Variants in PDE4D observed in about 807,000 individuals in gnomAD.
PDE4D encodes phosphodiesterase 4D.
In PDE4D, 24 loss-of-function variants were observed where a neutral mutation model predicts 87.4. The observed-to-expected ratio is 0.27, with a 90% CI of 0.20 to 0.39. PDE4D has a LOEUF of 0.39. Among genes scored for constraint, PDE4D ranks in the 10% least tolerant of loss-of-function variants. PDE4D has a pLI of 1.00. For synonymous variants in PDE4D, 384 were observed against 383.2 expected (o/e 1.00, Z -0.02); for missense variants, 714 against 1,041.0 (o/e 0.69, Z 4.32).
chr5:60,023,765 T>C (rs571815878), intron 2 of PDE4D, among the ~76,000 whole-genome samples: 6 of 152,276 alleles, frequency 3.9e-5, no homozygotes, highest in African/African-American at 1.2e-4. Flanking sequence ...ATGTTTTAAG[T>C]CCTGTAAGTA....
chr5:59,494,772 C>CGA (rs1237550504), intron 1 of PDE4D, among the ~76,000 whole-genome samples: 3 of 152,194 alleles, frequency 2.0e-5, no homozygotes, highest in Non-Finnish European at 2.9e-5. Context: ...GAAACAATCC[C>CGA]ACCAGCAACG....
At chr5:59,061,493 C>T (rs1479062254) in intron 5 of PDE4D, among the ~76,000 whole-genome samples, 1 of 152,074 alleles carries the variant, frequency 6.6e-6, no homozygotes, top group Non-Finnish European at 1.5e-5. Flanking sequence ...TGCACACACT[C>T]GAGGCCCACC....
chr5:60,280,751 C>A (rs535698588), intron 1 of PDE4D, among the ~76,000 whole-genome samples: 12 of 152,096 alleles, frequency 7.9e-5, no homozygotes, highest in Non-Finnish European at 1.3e-4. Flanking sequence ...ATTGTGAGAG[C>A]TAAGCAAGTT....
At chr5:59,401,782 G>T (rs1000731043) in intron 1 of PDE4D, among the ~76,000 whole-genome samples, 1 of 152,176 alleles carries the variant, frequency 6.6e-6, no homozygotes, top group Non-Finnish European at 1.5e-5. Context: ...CTCAGCAAGG[G>T]AACTGTGCTG....
At chr5:59,350,654 A>G (rs1780381767) in intron 1 of PDE4D, among the ~76,000 whole-genome samples, 1 of 152,212 alleles carries the variant, frequency 6.6e-6, no homozygotes, top group Non-Finnish European at 1.5e-5. Context: ...GGAAAAAAGG[A>G]CAAAAATTGC....
intron 1 of PDE4D, among the ~76,000 whole-genome samples, chr5:59,528,041 C>T (rs1813478199): frequency 6.6e-6 from 1 of 152,190 alleles, no homozygotes; most frequent in African/African-American, 2.4e-5. Context: ...ATGTGAACTG[C>T]ACGCTTAAAG....
intron 1 of PDE4D, among the ~76,000 whole-genome samples, chr5:60,463,331 G>A (rs1747105806): frequency 6.6e-6 from 1 of 151,964 alleles, no homozygotes; most frequent in Admixed American, 6.6e-5. Context: ...CCAGTAGCCT[G>A]ATCTTATCTC....
In PDE4D at chr5:60,145,274, C is replaced by A. The variant is rs553758296; in HGVS notation, c.42+40283G>T. Among the ~76,000 whole-genome samples the A allele has an allele frequency of 3.9e-5, 6 of 152,306 alleles. No individual in the cohort carries two copies. The South Asian group carries it at 8.3e-4, about 21-fold the overall frequency. On this transcript the variant is annotated intron_variant, in intron 2 of 16. Coordinates refer to the PDE4D transcript ENST00000502484. ...GAGTGACAAGAGGGTCATCACTTAT[C>A]TCTGAGCCCTCCATGTGGCACACTC...
chr5:60,136,300 T>C (rs900082787), intron 2 of PDE4D, among the ~76,000 whole-genome samples: 1 of 146,838 alleles, frequency 6.8e-6, no homozygotes, highest in Non-Finnish European at 1.5e-5. Flanking sequence ...TTGTGTCTTG[T>C]TATTTCTGGA....
At chr5:60,189,231 C>G (rs1041235788) in intron 1 of PDE4D, among the ~76,000 whole-genome samples, 12 of 152,238 alleles carry the variant, frequency 7.9e-5, no homozygotes, top group Admixed American at 3.3e-4. Context: ...ACAGATAGTG[C>G]TGGAATATTC....
chr5:60,063,146 G>T (rs1453530617), intron 2 of PDE4D, among the ~76,000 whole-genome samples: 1 of 145,402 alleles, frequency 6.9e-6, no homozygotes, highest in Non-Finnish European at 1.5e-5. Context: ...AAGAAAGAAA[G>T]AAAGAAAGAA....
intron 3 of PDE4D, among the ~76,000 whole-genome samples, chr5:59,924,139 G>A (rs1217844320): frequency 8.5e-5 from 13 of 152,132 alleles, no homozygotes; most frequent in Non-Finnish European, 7.3e-5. Flanking sequence ...CAGAATTAGT[G>A]AGCTTAAAGA....
At chr5:59,954,842 T>A (rs1485896181) in intron 3 of PDE4D, among the ~76,000 whole-genome samples, 1 of 152,216 alleles carries the variant, frequency 6.6e-6, no homozygotes, top group African/African-American at 2.4e-5. Context: ...GTGCTGACGA[T>A]GTAATAAGTG....
intron 1 of PDE4D, among the ~76,000 whole-genome samples, chr5:59,802,452 G>A (rs1389136833): frequency 1.5e-5 from 2 of 137,478 alleles, no homozygotes; most frequent in African/African-American, 5.4e-5. Flanking sequence ...AGGCTGAAGT[G>A]CAGTGGCGTG....
At position 59,637,041 on chromosome 5, in the gene PDE4D, CA is replaced by C. The variant is rs551380043; in HGVS notation, c.455+256126del. On this transcript the variant is annotated intron_variant, in intron 1 of 14. Coordinates refer to ENST00000340635, the MANE Select transcript of PDE4D (RefSeq NM_001104631.2). ...ATCCAGAATCTACAAGGAACTTAAACAAATTTACAAGAAACAAACAACCCCA... is the reference window on the plus strand; with the variant it reads ...ATCCAGAATCTACAAGGAACTTAAACAATTTACAAGAAACAAACAACCCCA... Among the ~76,000 whole-genome samples, 510 of 152,242 alleles carry C rather than the reference CA, an allele frequency of 3.3e-3. 5 individuals carry two copies. Among genetic ancestry groups the C allele is most frequent in the African/African-American group, 0.012 (482 of 41,550 alleles).
intron 1 of PDE4D, among the ~76,000 whole-genome samples, chr5:59,736,340 A>G (rs1308614448): frequency 2.0e-5 from 3 of 152,124 alleles, no homozygotes; most frequent in African/African-American, 7.2e-5. Context: ...AAAATAACAG[A>G]ATATTCTGGG....
chr5:59,035,687 A>T (rs1033334175), intron 6 of PDE4D, among the ~76,000 whole-genome samples: 2 of 152,224 alleles, frequency 1.3e-5, no homozygotes, highest in Non-Finnish European at 2.9e-5. Flanking sequence ...AAGCTAAAAA[A>T]AATTGAAGTC....
intron 1 of PDE4D, among the ~76,000 whole-genome samples, chr5:59,721,301 T>C (rs1303396053): frequency 6.6e-6 from 1 of 152,204 alleles, no homozygotes; most frequent in African/African-American, 2.4e-5. Flanking sequence ...ATAGAAAGTT[T>C]GTCTCTCTGT....
At chr5:60,248,069 T>C (rs977156989) in intron 1 of PDE4D, among the ~76,000 whole-genome samples, 11 of 152,062 alleles carry the variant, frequency 7.2e-5, no homozygotes, top group African/African-American at 2.4e-4. Flanking sequence ...TGATAGAATA[T>C]GACAGGTGGT....
Sources: gnomAD v4.1 joint callset for allele counts (sites outside exome capture counted in the v4.1 genomes callset) on GRCh38, gnomAD v4.1.1 for gene constraint, MANE v1.5 for transcripts, NCBI Gene and HGNC (gene_info 2026-07-23, HGNC 2026-07-21) for gene names.